Variants in GRID2 observed in about 807,000 individuals in gnomAD.
GRID2 encodes glutamate receptor ionotropic, delta-2.
Under a neutral mutation model 114.8 loss-of-function variants are expected in GRID2, and 33 were observed. The observed-to-expected ratio is 0.29, with a 90% CI of 0.22 to 0.38. The LOEUF (loss-of-function observed/expected upper bound fraction) is 0.38. GRID2 is among the 10% of genes least tolerant of loss of function. The pLI, the probability that GRID2 is intolerant of heterozygous loss-of-function variation, is 1.00. For missense variants in GRID2, 1,184 were observed against 1,257.7 expected (o/e 0.94, Z 0.89); for synonymous variants, 505 against 449.9 (o/e 1.12, Z -1.55).
At chr4:92,827,499 C>T (rs961414763) in intron 2 of GRID2, among the ~76,000 whole-genome samples, 5 of 151,950 alleles carry the variant, frequency 3.3e-5, no homozygotes, top group East Asian at 3.9e-4. Flanking sequence ...CTCCCAGCCC[C>T]GTCAAGACCC....
At chr4:93,537,798 T>G (rs180731039) in intron 13 of GRID2, among the ~76,000 whole-genome samples, 24 of 151,934 alleles carry the variant, frequency 1.6e-4, no homozygotes, top group Admixed American at 1.2e-3. Flanking sequence ...CATAAAATTA[T>G]TTTTTAATTC....
chr4:93,560,146 G>A (rs965640757), intron 13 of GRID2, among the ~76,000 whole-genome samples: 2 of 142,114 alleles, frequency 1.4e-5, no homozygotes, highest in African/African-American at 5.1e-5. Context: ...GTTGATGGGT[G>A]CAGCAAACCG....
At chr4:93,330,767 G>T (rs1758342304) in intron 8 of GRID2, among the ~76,000 whole-genome samples, 1 of 152,024 alleles carries the variant, frequency 6.6e-6, no homozygotes, top group Non-Finnish European at 1.5e-5. Flanking sequence ...AGACAACCCT[G>T]TCAGAAGAAT....
chr4:92,524,832 G>T (rs1724968859), intron 1 of GRID2, among the ~76,000 whole-genome samples: 1 of 151,888 alleles, frequency 6.6e-6, no homozygotes, highest in South Asian at 2.1e-4. Context: ...CCAATGTCTT[G>T]CCTATGACAA....
rs76530842 is a variant in GRID2 at position 92,987,839 on chromosome 4, G to T, written c.245-97156G>T. ...AACTGTTAAAATACAAATACTATAT[G>T]GTACCGAGAATGGGAGTAATAAGGC... On this transcript the variant is annotated intron_variant, in intron 2 of 15. Transcript: ENST00000282020. 2.0e-4 allele frequency among the ~76,000 whole-genome samples: 31 copies of T among 152,020 alleles called. No individual in the cohort carries two copies. In the East Asian group the frequency reaches 5.4e-3, roughly 27 times the overall value.
chr4:92,804,222 A>C (rs2149374377), intron 2 of GRID2, among the ~76,000 whole-genome samples: 1 of 152,140 alleles, frequency 6.6e-6, no homozygotes, highest in African/African-American at 2.4e-5. Flanking sequence ...TTTTTAGTAG[A>C]CAAATAATCT....
At chr4:92,856,509 C>A (rs1228540549) in intron 2 of GRID2, among the ~76,000 whole-genome samples, 1 of 152,112 alleles carries the variant, frequency 6.6e-6, no homozygotes, top group Non-Finnish European at 1.5e-5. Flanking sequence ...GTTTCTGTTG[C>A]ATTTTTCAAC....
intron 7 of GRID2, 22 bp from the exon 8 acceptor site, chr4:93,238,349 C>T (rs1747047741): frequency 6.5e-7 from 1 of 1,536,078 alleles, no homozygotes; most frequent in Non-Finnish European, 8.8e-7. Flanking sequence ...AATTTTACAT[C>T]AGTATCTGTT....
chr4:93,344,448 T>C (rs1391529881), intron 8 of GRID2, among the ~76,000 whole-genome samples: 4 of 151,712 alleles, frequency 2.6e-5, no homozygotes, highest in South Asian at 2.1e-4. Context: ...TAAGGTAAAA[T>C]TGACAAATAA....
intron 1 of GRID2, among the ~76,000 whole-genome samples, chr4:92,364,599 A>G (rs1728763695): frequency 6.6e-6 from 1 of 152,054 alleles, no homozygotes; most frequent in Non-Finnish European, 1.5e-5. Context: ...ATAGACTTTA[A>G]AGGGTGAATC....
chr4:93,670,900 C>G (rs1724352260), intron 14 of GRID2, among the ~76,000 whole-genome samples: 2 of 152,194 alleles, frequency 1.3e-5, no homozygotes, highest in South Asian at 4.1e-4. Context: ...GAAGACCAGA[C>G]TTTGATGAAG....
Position 92,869,250 on chromosome 4 carries a change from C to T in GRID2, c.245-215745C>T, listed in dbSNP as rs116353079. Among the ~76,000 whole-genome samples the T allele has an allele frequency of 1.4e-3, 211 of 152,192 alleles. 1 individual carries two copies. Among genetic ancestry groups the T allele is most frequent in the African/African-American group, 4.2e-3 (175 of 41,526 alleles). On this transcript the variant is annotated intron_variant, in intron 2 of 15. Transcript: ENST00000282020. ...TAATGTCTAATTTATAGCAATATAA[C>T]GAGTGATTAATTCAAGATGAAATTT...
intron 1 of GRID2, among the ~76,000 whole-genome samples, chr4:92,568,619 T>C (rs1449349300): frequency 2.6e-5 from 4 of 151,982 alleles, no homozygotes; most frequent in African/African-American, 7.2e-5. Context: ...AGGTTTGTTA[T>C]ATAGGTAAAC....
chr4:92,493,712 C>T (rs150473778), intron 1 of GRID2, among the ~76,000 whole-genome samples: 64 of 152,284 alleles, frequency 4.2e-4, no homozygotes, highest in African/African-American at 1.4e-3. Flanking sequence ...CATGGCTAAA[C>T]GCTCATATTT....
At chr4:92,470,411 T>A (rs1351196753) in intron 1 of GRID2, among the ~76,000 whole-genome samples, 1 of 151,974 alleles carries the variant, frequency 6.6e-6, no homozygotes. Context: ...TGGCCAAAAT[T>A]CAAAATTTTA....
chr4:92,786,517 ATGAT>A (rs1739328912), intron 2 of GRID2, among the ~76,000 whole-genome samples: 2 of 152,000 alleles, frequency 1.3e-5, no homozygotes, highest in African/African-American at 4.8e-5. Context: ...GGACACATAA[ATGAT>A]TGGGAAGAAA....
At chr4:92,442,610 G>T (rs1733171539) in intron 1 of GRID2, among the ~76,000 whole-genome samples, 1 of 151,998 alleles carries the variant, frequency 6.6e-6, no homozygotes, top group African/African-American at 2.4e-5. Flanking sequence ...GGGGTTTGAG[G>T]GCCGGAATTT....
At chr4:92,658,065 T>A (rs896556446) in intron 2 of GRID2, among the ~76,000 whole-genome samples, 1 of 151,740 alleles carries the variant, frequency 6.6e-6, no homozygotes, top group African/African-American at 2.4e-5. Flanking sequence ...CTCCACTTTT[T>A]TACATGAAAT....
chr4:92,918,233 A>G (rs1244654495), intron 2 of GRID2, among the ~76,000 whole-genome samples: 1 of 152,198 alleles, frequency 6.6e-6, no homozygotes, highest in Non-Finnish European at 1.5e-5. Flanking sequence ...GTTGCCTATC[A>G]GCTTAAGGAT....
Sources: allele counts gnomAD v4.1 joint callset (sites outside exome capture counted in the v4.1 genomes callset), GRCh38; gene constraint gnomAD v4.1.1; transcripts MANE v1.5; gene names NCBI Gene and HGNC (gene_info 2026-07-23, HGNC 2026-07-21).